The following SLC44A3 variants were observed in gnomAD, a reference collection of about 807,000 sequenced individuals.
The protein encoded by SLC44A3 is solute carrier family 44 member 3, also known as choline transporter-like protein 3.
Under a neutral mutation model 75.4 loss-of-function variants are expected in SLC44A3, and 74 were observed. The ratio of observed to expected loss-of-function variants is 0.98; its 90% CI spans 0.81 to 1.19. The LOEUF (loss-of-function observed/expected upper bound fraction) is 1.19, where lower values mean the gene tolerates loss of function less well. Ranked by LOEUF, SLC44A3 falls within the 50% of genes most tolerant of loss-of-function variation. The pLI, the probability that SLC44A3 is intolerant of heterozygous loss-of-function variation, is 0.00. For missense variants in SLC44A3, 700 were observed against 778.6 expected, an observed-to-expected ratio of 0.90 and a Z score of 1.20; for synonymous variants, 310 against 296.9, an observed-to-expected ratio of 1.04 and a Z score of -0.45.
chr1:94,843,536 A>T (rs1663959794), intron 8 of SLC44A3: 1 of 105,894 alleles, frequency 9.4e-6, no homozygotes, highest in African/African-American at 3.2e-5. Flanking sequence ...TCTGCAGTTT[A>T]TCCACTGTCA....
At chr1:94,834,793 A>T (rs1438073497) in intron 5 of SLC44A3, among the ~76,000 whole-genome samples, 1 of 152,196 alleles carries the variant, frequency 6.6e-6, no homozygotes, top group Non-Finnish European at 1.5e-5. Flanking sequence ...TGAAAGGGAT[A>T]AATCTTTACT....
At chr1:94,827,709 A>G in intron 4 of SLC44A3, 66 bp downstream of exon 4, 1 of 1,563,176 alleles carries the variant, frequency 6.4e-7, no homozygotes, top group Non-Finnish European at 8.7e-7. Flanking sequence ...CCTAGATGAG[A>G]TCATTTACCC....
In SLC44A3 at chr1:94,842,002, G is replaced by A; in HGVS notation, c.763G>A (p.Val255Ile). Residue 255 changes from valine (V) to isoleucine (I), a missense_variant and splice_region_variant, in exon 8 of 15, where the codon GTC becomes ATC. Val to Ile is a conservative substitution (Grantham distance 29, BLOSUM62 3). Transcript: ENST00000271227. Reference sequence around the variant, plus strand: ...TCTGCTACTGTTCTCTTTTCTAGTTGTCTGCGGTGTTTTATGGTGGCTGTA... The same window carrying A: ...TCTGCTACTGTTCTCTTTTCTAGTTATCTGCGGTGTTTTATGGTGGCTGTA... The part of the protein sequence containing the change: ...ISLVILGLLF[V>I]CGVLWWLYYD... 2 of 1,609,478 alleles carry A rather than the reference G, an allele frequency of 1.2e-6. No individual in the cohort carries two copies. The highest frequency in any genetic ancestry group is 1.7e-6 in the Non-Finnish European group (2 of 1,178,398).
intron 11 of SLC44A3, 63 bp from the exon 12 acceptor site, chr1:94,867,268 G>T: frequency 7.2e-7 from 1 of 1,395,932 alleles, no homozygotes; most frequent in African/African-American, 1.5e-5. Flanking sequence ...CTCAGAAACT[G>T]CCTGCTTTTC....
intron 9 of SLC44A3, among the ~76,000 whole-genome samples, chr1:94,852,304 G>C (rs1275617882): frequency 6.6e-6 from 1 of 152,146 alleles, no homozygotes; most frequent in Non-Finnish European, 1.5e-5. Context: ...TGAGGGGGCA[G>C]GGTGTCATTT....
intron 12 of SLC44A3, chr1:94,889,208 T>C (rs1028169988): frequency 3.3e-5 from 5 of 152,210 alleles, no homozygotes; most frequent in African/African-American, 1.2e-4. Flanking sequence ...GGACCCGCAC[T>C]GTGGGAGGCT....
At chr1:94,884,851 G>A (rs1669391590) in intron 12 of SLC44A3, among the ~76,000 whole-genome samples, 1 of 152,186 alleles carries the variant, frequency 6.6e-6, no homozygotes, top group African/African-American at 2.4e-5. Context: ...AACGTTCTTG[G>A]ATAGCTCTCA....
At chr1:94,850,799 C>T (rs1242567395) in intron 9 of SLC44A3, among the ~76,000 whole-genome samples, 1 of 152,114 alleles carries the variant, frequency 6.6e-6, no homozygotes, top group South Asian at 2.1e-4. Context: ...ACATCTAGTA[C>T]CTTCAGCTCT....
At position 94,837,699 on chromosome 1, in the gene SLC44A3, C is replaced by G; in HGVS notation, c.510-12C>G. ...ATAAACATTTTTGCCATCTTTTTTT[C>G]TCTATTTTTAGCAAGTCATTTCCCT... On this transcript the variant is annotated splice_polypyrimidine_tract_variant and intron_variant, in intron 5 of 14. Coordinates refer to ENST00000271227, the MANE Select transcript of SLC44A3 (RefSeq NM_001114106.3). 1 of 1,528,908 alleles carries G rather than the reference C, an allele frequency of 6.5e-7. No individual in the cohort carries two copies. Among genetic ancestry groups the G allele is most frequent in the Non-Finnish European group, 8.8e-7 (1 of 1,140,538 alleles). 94.7% of individuals were successfully genotyped at this position (1,528,908 alleles called of 1,614,324 possible). A position where few individuals can be genotyped will look rare whatever the true frequency, so the allele number is the denominator to read the frequency against.
chr1:94,856,880 G>A (rs1161709342), intron 9 of SLC44A3, among the ~76,000 whole-genome samples: 1 of 152,086 alleles, frequency 6.6e-6, no homozygotes, highest in African/African-American at 2.4e-5. Context: ...ACAGGTGCCT[G>A]CGACCATGCT....
At chr1:94,846,872 G>A (rs1037888706) in intron 9 of SLC44A3, among the ~76,000 whole-genome samples, 4 of 152,228 alleles carry the variant, frequency 2.6e-5, no homozygotes, top group African/African-American at 9.6e-5. Context: ...AAGAACAGCT[G>A]CCATGTAATA....
At position 94,864,845 on chromosome 1, in the gene SLC44A3, GGT is replaced by G; in HGVS notation, c.1343_1344del (p.Val448GlufsTer38). On this transcript the variant is annotated frameshift_variant, in exon 11 of 15. Transcript: ENST00000271227. LOFTEE classifies it high-confidence loss of function. ...TGAAAGGGTCATTTTTAATCTCTGT[GGT>G]GAGGATTCCGAGAATCATTGTCATG... Reference protein sequence around the residue: ...VVKGSFLISVVRIPRIIVMYM... With the variant: ...VVKGSFLISVXRIPRIIVMYM... 6.2e-7 allele frequency: 1 copy of G among 1,613,906 alleles called. No homozygotes were observed. The highest frequency in any genetic ancestry group is 8.5e-7 in the Non-Finnish European group (1 of 1,179,910).
chr1:94,836,573 G>A (rs1037473034), intron 5 of SLC44A3, among the ~76,000 whole-genome samples: 15 of 152,292 alleles, frequency 9.8e-5, no homozygotes, highest in Middle Eastern at 6.8e-3. Context: ...CAATTCTTTT[G>A]TTGGGGTTGG....
chr1:94,820,986 G>A lies in SLC44A3; in HGVS notation c.65G>A (p.Arg22Gln). ...AEGAPRQREWRPQIYRKCTDT... is the reference protein window; with the variant it reads ...AEGAPRQREWQPQIYRKCTDT... ...GGAGCCCCTAGGCAAAGGGAGTGGCGACCCCAGATTTATAGGAAATGCACA... is the reference window on the plus strand; with the variant it reads ...GGAGCCCCTAGGCAAAGGGAGTGGCAACCCCAGATTTATAGGAAATGCACA... Residue 22 changes from arginine to glutamine, a missense_variant, in exon 2 of 15, where the codon CGA (arginine) becomes CAA (glutamine). Coordinates refer to ENST00000271227, the MANE Select transcript of SLC44A3 (RefSeq NM_001114106.3). 2 of 1,551,456 alleles carry A rather than the reference G, an allele frequency of 1.3e-6. No homozygotes were observed. The highest frequency in any genetic ancestry group is 1.7e-6 in the Non-Finnish European group (2 of 1,146,870).
intron 12 of SLC44A3, among the ~76,000 whole-genome samples, chr1:94,879,241 G>C (rs1452109163): frequency 6.6e-6 from 1 of 151,014 alleles, no homozygotes; most frequent in Non-Finnish European, 1.5e-5. Flanking sequence ...ATTTTAAAAT[G>C]GGCAAAGGAC....
rs1668059936 is a variant in SLC44A3 at position 94,874,348 on chromosome 1, G to A, written c.1482+6931G>A. Among the ~76,000 whole-genome samples the A allele has an allele frequency of 2.0e-5, 3 of 152,186 alleles. No individual in the cohort carries two copies. In the South Asian group the frequency reaches 6.2e-4, roughly 32 times the overall value. ...GGAGCCTAGCTCCCACCTGCTGTGGGCATGTTACAAGACTCAGGGCTCAGG... is the reference window on the plus strand; with the variant it reads ...GGAGCCTAGCTCCCACCTGCTGTGGACATGTTACAAGACTCAGGGCTCAGG... On this transcript the variant is annotated intron_variant, in intron 12 of 14. Coordinates refer to ENST00000271227, the MANE Select transcript of SLC44A3 (RefSeq NM_001114106.3).
intron 5 of SLC44A3, among the ~76,000 whole-genome samples, chr1:94,836,577 G>C (rs1160128946): frequency 6.6e-6 from 1 of 152,148 alleles, no homozygotes; most frequent in East Asian, 1.9e-4. Flanking sequence ...TCTTTTGTTG[G>C]GGTTGGTAGT....
chr1:94,840,822 C>G (rs1663527842), intron 7 of SLC44A3, among the ~76,000 whole-genome samples: 1 of 152,202 alleles, frequency 6.6e-6, no homozygotes, highest in Non-Finnish European at 1.5e-5. Flanking sequence ...GTCCTGGAGA[C>G]CCTGTACTGT....
chr1:94,876,491 ATTAAGACTTGTT>A (rs1442703080), intron 12 of SLC44A3, among the ~76,000 whole-genome samples: 1 of 152,232 alleles, frequency 6.6e-6, no homozygotes, highest in African/African-American at 2.4e-5. Flanking sequence ...GTCCTACGGC[ATTAAGACTTGTT>A]GAGAGAAGGA....
Sources: gnomAD v4.1 joint callset for allele counts (sites outside exome capture counted in the v4.1 genomes callset) on GRCh38, gnomAD v4.1.1 for gene constraint, MANE v1.5 for transcripts, NCBI Gene and HGNC (gene_info 2026-07-23, HGNC 2026-07-21) for gene names.